The following STK24 variants were observed in gnomAD, a reference collection of about 807,000 sequenced individuals.
The protein encoded by STK24 is serine/threonine-protein kinase 24.
A neutral mutation model predicts 55.6 loss-of-function variants in STK24; 21 were observed. That is an observed-to-expected ratio of 0.38 (90% CI 0.27 to 0.54). The LOEUF (loss-of-function observed/expected upper bound fraction) is 0.54. Among genes scored for constraint, STK24 ranks in the 20% least tolerant of loss-of-function variants. The pLI is 0.79. For missense variants in STK24, 383 were observed against 538.4 expected (o/e 0.71, Z 2.86); for synonymous variants, 200 against 215.2 (o/e 0.93, Z 0.62).
At position 98,536,362 on chromosome 13, in the gene STK24, T is replaced by C. The variant is rs548705703; in HGVS notation, c.43-16889A>G. 7.6e-3 allele frequency among the ~76,000 whole-genome samples: 908 copies of C among 118,766 alleles called. 8 individuals carry two copies. Among genetic ancestry groups the C allele is most frequent in the Non-Finnish European group, 9.1e-3 (483 of 53,324 alleles). 77.9% of individuals were successfully genotyped at this position (118,766 alleles called of 152,430 possible). A position where few individuals can be genotyped will look rare whatever the true frequency, so the allele number is the denominator to read the frequency against. Reference sequence around the variant, plus strand: ...TCTGTTGCATATTCTTCTTCTATCTTTTTTTTTTTTTCTCTTCCAAGAGAA... The same window carrying C: ...TCTGTTGCATATTCTTCTTCTATCTCTTTTTTTTTTTCTCTTCCAAGAGAA... On this transcript the variant is annotated intron_variant, in intron 1 of 10. Transcript: ENST00000539966.
chr13:98,525,700 C>A (rs1896408108), intron 1 of STK24, among the ~76,000 whole-genome samples: 1 of 152,144 alleles, frequency 6.6e-6, no homozygotes, highest in Non-Finnish European at 1.5e-5. Context: ...AGCCTCGAGC[C>A]CCACAAGCCG....
At position 98,538,816 on chromosome 13, in the gene STK24, C is replaced by A. The variant is rs564980813; in HGVS notation, c.43-19343G>T. Among the ~76,000 whole-genome samples, 3 of 152,332 alleles carry A rather than the reference C, an allele frequency of 2.0e-5. No individual in the cohort carries two copies. The East Asian group carries it at 5.8e-4, about 29-fold the overall frequency. On this transcript the variant is annotated intron_variant, in intron 1 of 10. Coordinates refer to ENST00000539966, the MANE Select transcript of STK24 (RefSeq NM_001032296.4). Reference sequence around the variant, plus strand: ...TCACTGCCACTGCCTCCTTCCCACACTCAGGCCCTGGTGTCCCTTCTTTCT... The same window carrying A: ...TCACTGCCACTGCCTCCTTCCCACAATCAGGCCCTGGTGTCCCTTCTTTCT...
intron 3 of STK24, among the ~76,000 whole-genome samples, chr13:98,476,245 C>CCG (rs201084990): frequency 0.029 from 4,234 of 145,912 alleles, 206 homozygotes; most frequent in African/African-American, 0.097. Flanking sequence ...GGGAAGCCCC[C>CCG]CCCCGCCCCC....
chr13:98,576,293 G>A, intron 1 of STK24: 1 of 897,544 alleles, frequency 1.1e-6, no homozygotes, highest in Non-Finnish European at 1.3e-6. Context: ...TCTCCCGCCC[G>A]CCTGCCCGGG....
At chr13:98,563,374 G>A (rs746764662) in intron 1 of STK24, among the ~76,000 whole-genome samples, 18 of 152,264 alleles carry the variant, frequency 1.2e-4, no homozygotes, top group Non-Finnish European at 1.8e-4. Flanking sequence ...ACAGAAGCTC[G>A]TCTTTTCTTG....
At chr13:98,487,735 A>C (rs2139315267) in intron 2 of STK24, among the ~76,000 whole-genome samples, 1 of 152,240 alleles carries the variant, frequency 6.6e-6, no homozygotes, top group African/African-American at 2.4e-5. Flanking sequence ...TGCCTTATTG[A>C]GCTCACATTG....
intron 1 of STK24, among the ~76,000 whole-genome samples, chr13:98,533,922 C>G (rs1344664712): frequency 6.6e-6 from 1 of 152,186 alleles, no homozygotes; most frequent in Non-Finnish European, 1.5e-5. Flanking sequence ...ATAGTGTGTG[C>G]CAAGGTGAGG....
At chr13:98,572,310 G>A (rs1594679961) in intron 1 of STK24, among the ~76,000 whole-genome samples, 1 of 152,134 alleles carries the variant, frequency 6.6e-6, no homozygotes. Context: ...AGTCCCCAAG[G>A]TGCTCTCCGA....
intron 2 of STK24, among the ~76,000 whole-genome samples, chr13:98,511,478 T>C (rs1455054979): frequency 6.6e-6 from 1 of 152,220 alleles, no homozygotes; most frequent in Non-Finnish European, 1.5e-5. Context: ...GAAAAACTTA[T>C]GTTCATACCA....
intron 3 of STK24, among the ~76,000 whole-genome samples, chr13:98,480,838 T>C (rs7996093): frequency 0.55 from 83,087 of 152,150 alleles, 22,990 homozygotes; most frequent in Non-Finnish European, 0.59. Flanking sequence ...ATCCTCCCAC[T>C]TCAGTCTCCC....
At chr13:98,476,244 C>CCG (rs891634947) in intron 3 of STK24, among the ~76,000 whole-genome samples, 3 of 143,120 alleles carry the variant, frequency 2.1e-5, no homozygotes, top group African/African-American at 5.1e-5. Context: ...CGGGAAGCCC[C>CCG]CCCCCGCCCC....
Position 98,448,138 on chromosome 13 carries a change from G to A in STK24, c.*5035C>T, listed in dbSNP as rs554602895. ...TGAAGTGGCAGATTACCAACCAGGC[G>A]GCCTGACTTCACCTTGTGTTTCTGT... is the stretch of plus-strand genomic sequence containing the variant. On this transcript the variant is annotated 3_prime_UTR_variant, in exon 11 of 11. Coordinates refer to ENST00000539966, the MANE Select transcript of STK24 (RefSeq NM_001032296.4). 2.7e-5 allele frequency: 27 copies of A among 992,322 alleles called. No individual in the cohort carries two copies. Among genetic ancestry groups the A allele is most frequent in the African/African-American group, 1.3e-4 (8 of 63,142 alleles). 61.5% of individuals were successfully genotyped at this position (992,322 alleles called of 1,614,324 possible).
At chr13:98,540,316 C>G (rs1304697517) in intron 1 of STK24, among the ~76,000 whole-genome samples, 1 of 152,190 alleles carries the variant, frequency 6.6e-6, no homozygotes, top group Admixed American at 6.5e-5. Context: ...CTAAAACTCA[C>G]TGCATTTTAC....
Position 98,576,763 on chromosome 13 carries a change from C to G in STK24, c.24G>C (p.Ser8=), listed in dbSNP as rs1444607701. The G allele has an allele frequency of 6.9e-7, 1 of 1,453,690 alleles. No homozygotes were observed. Among genetic ancestry groups the G allele is most frequent in the African/African-American group, 1.5e-5 (1 of 67,658 alleles). The allele number at this position is 1,453,690 out of a possible 1,614,324, so 90.0% of individuals were successfully genotyped here. Residue 8 remains serine (S), a synonymous_variant, in exon 1 of 11, where the codon TCG becomes TCC. Coordinates refer to ENST00000539966, the MANE Select transcript of STK24 (RefSeq NM_001032296.4). ...CGCCTACCTGCATGCCGGGCAGGCC[C>G]GACTGCACCGGGGAGTGAGCCATGG... MAHSPVQ[S]GLPGMQNLKA...
At chr13:98,498,823 G>A (rs1459969130) in intron 2 of STK24, among the ~76,000 whole-genome samples, 14 of 152,330 alleles carry the variant, frequency 9.2e-5, no homozygotes, top group Non-Finnish European at 4.4e-5. Flanking sequence ...GGACAGAAAG[G>A]GAAGGGAAAA....
At chr13:98,475,935 T>C (rs79218828) in intron 3 of STK24, among the ~76,000 whole-genome samples, 2 of 152,164 alleles carry the variant, frequency 1.3e-5, no homozygotes, top group Non-Finnish European at 2.9e-5. Flanking sequence ...TGTATTAGAA[T>C]TTTTTAAATC....
chr13:98,477,345 G>C (rs370904961), intron 3 of STK24, among the ~76,000 whole-genome samples: 15 of 152,300 alleles, frequency 9.8e-5, no homozygotes, highest in African/African-American at 3.4e-4. Context: ...CATAATGCTG[G>C]AGTGCAGGAG....
intron 3 of STK24, among the ~76,000 whole-genome samples, chr13:98,481,846 G>A (rs1277696423): frequency 3.3e-5 from 5 of 152,112 alleles, no homozygotes; most frequent in African/African-American, 1.2e-4. Context: ...TCAGGAGTTT[G>A]AGACCAGCTT....
intron 1 of STK24, among the ~76,000 whole-genome samples, chr13:98,558,683 C>T (rs1243581153): frequency 6.6e-6 from 1 of 152,178 alleles, no homozygotes; most frequent in Non-Finnish European, 1.5e-5. Context: ...CACAACTTAA[C>T]TGCTATTTCC....
Sources: allele counts gnomAD v4.1 joint callset (sites outside exome capture counted in the v4.1 genomes callset), GRCh38; gene constraint gnomAD v4.1.1; transcripts MANE v1.5; gene names NCBI Gene and HGNC (gene_info 2026-07-23, HGNC 2026-07-21).